ZAN: variants seen among roughly 807,000 people sequenced by gnomAD.
ZAN encodes zonadhesin (gene/pseudogene).
In ZAN, 260 loss-of-function variants were observed where a neutral mutation model predicts 286.2. The observed-to-expected ratio is 0.91, with a 90% CI of 0.82 to 1.01. ZAN has a LOEUF of 1.01. ZAN is among the 50% of genes least tolerant of loss of function. ZAN has a pLI of 0.00. For synonymous variants in ZAN, 1,368 were observed against 1,417.5 expected, an observed-to-expected ratio of 0.97 and a Z score of 0.79; for missense variants, 3,410 against 3,639.2, an observed-to-expected ratio of 0.94 and a Z score of 1.62.
rs1809747683 is a variant in ZAN at position 100,763,767 on chromosome 7, A to AG, written c.3987-38dup. The AG allele has an allele frequency of 3.3e-6, 5 of 1,529,314 alleles. No homozygotes were observed. Among genetic ancestry groups the AG allele is most frequent in the East Asian group, 2.3e-5 (1 of 43,078 alleles). The allele number at this position is 1,529,314 out of a possible 1,614,324, so 94.7% of individuals were successfully genotyped here. On this transcript the variant is annotated intron_variant, in intron 20 of 47. Transcript: ENST00000613979. The surrounding 1 kb of genome is among the most constrained non-coding windows in gnomAD (Gnocchi z 4.6). ...CTGGGTTAGGGATGAGCTGGAAGCGAGCTTTGTCTTTAGGGAGTTTGGGGT... is the reference window on the plus strand; with the variant it reads ...CTGGGTTAGGGATGAGCTGGAAGCGAGGCTTTGTCTTTAGGGAGTTTGGGGT...
At chr7:100,776,417 GA>G in intron 33 of ZAN, 22 bp from the exon 34 acceptor site, 1 of 1,596,518 alleles carries the variant, frequency 6.3e-7, no homozygotes, top group Non-Finnish European at 8.5e-7. Flanking sequence ...CCCCAGCACC[GA>G]AAAACCACTC....
In ZAN at chr7:100,775,750, G is replaced by C. The variant is rs538965454; in HGVS notation, c.6109G>C (p.Val2037Leu). ...CAAGTCCAGCAGCATCTACAGCATT[G>C]TTAACATCAAGATCGGGGTGCAAGT... is the stretch of plus-strand genomic sequence containing the variant. ...SVKSSSIYSI[V>L]NIKIGVQVKF... Residue 2037 changes from valine (V) to leucine (L), a missense_variant, in exon 33 of 48, where the codon GTT (valine) becomes CTT (leucine). Val to Leu is a conservative substitution (Grantham distance 32, BLOSUM62 1). Around this residue, in one of 7 missense-constraint regions of ZAN, gnomAD observed 1,289 missense variants for 1,314.3 expected, o/e 0.98. Transcript: ENST00000613979. 6.2e-7 allele frequency: 1 copy of C among 1,613,898 alleles called. No individual in the cohort carries two copies. Among genetic ancestry groups the C allele is most frequent in the East Asian group, 2.2e-5 (1 of 44,876 alleles).
Position 100,776,451 on chromosome 7 carries a change from G to A in ZAN, c.6204G>A (p.Met2068Ile). Residue 2068 changes from methionine to isoleucine, a missense_variant, in exon 34 of 48, where the codon ATG becomes ATA. Met to Ile is a conservative substitution (Grantham distance 10). Transcript: ENST00000613979. ...CTCTCCCCCGCCAGGTCTGCGGCATGTGTGGGAACTTCAATGATGAGGAAG... is the reference window on the plus strand; with the variant it reads ...CTCTCCCCCGCCAGGTCTGCGGCATATGTGGGAACTTCAATGATGAGGAAG... ...PTTYYGKVCG[M>I]CGNFNDEEED... 1.2e-6 allele frequency: 2 copies of A among 1,606,508 alleles called. No individual in the cohort carries two copies. The highest frequency in any genetic ancestry group is 1.7e-6 in the Non-Finnish European group (2 of 1,176,546).
chr7:100,752,222 C>T lies in ZAN; in HGVS notation c.2117C>T (p.Ser706Phe), dbSNP rs1808743856. ...PTISMEETII[S>F]TEKPTISPEK... ...ATCTCCATGGAAGAGACTATCATCT[C>T]CACAGAAAAACCCACCATCTCCCCA... is the stretch of plus-strand genomic sequence containing the variant. The change falls in exon 14 of 48, where the codon TCC becomes TTC. Residue 706 changes from serine to phenylalanine, a missense_variant. Transcript: ENST00000613979. 6.2e-7 allele frequency: 1 copy of T among 1,611,718 alleles called. No individual in the cohort carries two copies. Among genetic ancestry groups the T allele is most frequent in the Non-Finnish European group, 8.5e-7 (1 of 1,179,168 alleles).
intron 7 of ZAN, among the ~76,000 whole-genome samples, chr7:100,742,911 TATTTTTTAAGG>T (rs1807914031): frequency 2.6e-5 from 1 of 39,042 alleles, no homozygotes; most frequent in Non-Finnish European, 5.1e-5. Flanking sequence ...CGATCTGACT[TATTTTTTAAGG>T]ATTTTTTTTG....
At chr7:100,791,894 A>T in intron 40 of ZAN, 72 bp from the exon 41 acceptor site, 1 of 1,503,282 alleles carries the variant, frequency 6.7e-7, no homozygotes. Flanking sequence ...TGCCCGGCTA[A>T]TCAGTTCTTC....
intron 14 of ZAN, among the ~76,000 whole-genome samples, chr7:100,754,088 T>C (rs942323037): frequency 6.6e-6 from 1 of 152,132 alleles, no homozygotes; most frequent in Non-Finnish European, 1.5e-5. Flanking sequence ...AGCCTTTGTG[T>C]TTGGCTTCTT....
intron 18 of ZAN, 54 bp from the exon 19 acceptor site, chr7:100,760,337 G>A: frequency 1.9e-6 from 3 of 1,595,040 alleles, no homozygotes; most frequent in Non-Finnish European, 1.7e-6. Flanking sequence ...AGTCTGCTGG[G>A]GTCCTCCTTG....
chr7:100,764,903 C>T (rs1214632144), intron 22 of ZAN, among the ~76,000 whole-genome samples: 1 of 151,868 alleles, frequency 6.6e-6, no homozygotes, highest in East Asian at 1.9e-4. Context: ...TGTTTCTGTG[C>T]AGCCCAAGTC....
At chr7:100,773,921 C>G (rs1810580137) in intron 31 of ZAN, 56 bp downstream of exon 31, 1 of 1,554,536 alleles carries the variant, frequency 6.4e-7, no homozygotes, top group Non-Finnish European at 8.7e-7. Flanking sequence ...ACTCTCCCAA[C>G]TCCCCAACAG....
At position 100,738,705 on chromosome 7, in the gene ZAN, A is replaced by T. The variant is rs1184666836; in HGVS notation, c.766+92A>T. The T allele has an allele frequency of 3.1e-6, 4 of 1,293,908 alleles. 1 individual carries two copies. In the African/African-American group the frequency reaches 6.1e-5, roughly 20 times the overall value. 80.2% of individuals were successfully genotyped at this position (1,293,908 alleles called of 1,614,324 possible). A position where few individuals can be genotyped will look rare whatever the true frequency, so the allele number is the denominator to read the frequency against. ...GGGACGGTCTGTCATGAACACCTACAGCTTCAAGCCTCTTACCAGCTCAAG... is the reference window on the plus strand; with the variant it reads ...GGGACGGTCTGTCATGAACACCTACTGCTTCAAGCCTCTTACCAGCTCAAG... On this transcript the variant is annotated intron_variant, in intron 7 of 47. Coordinates refer to ENST00000613979, the MANE Select transcript of ZAN (RefSeq NM_003386.3).
intron 7 of ZAN, among the ~76,000 whole-genome samples, chr7:100,744,338 C>T (rs1808025088): frequency 6.6e-6 from 1 of 151,184 alleles, no homozygotes; most frequent in Non-Finnish European, 1.5e-5. Context: ...GTGGCTCATG[C>T]CTGTAATCCC....
At chr7:100,767,784 C>T (rs559794583) in intron 25 of ZAN, 47 bp from the exon 26 acceptor site, 19 of 1,576,498 alleles carry the variant, frequency 1.2e-5, no homozygotes, top group East Asian at 9.0e-5. Context: ...GCCTTTATCC[C>T]GAGTTCTTTC....
intron 34 of ZAN, 126 bp from the exon 35 acceptor site, chr7:100,779,320 G>A (rs775713773): frequency 2.1e-6 from 2 of 946,098 alleles, no homozygotes; most frequent in Non-Finnish European, 3.1e-6. Flanking sequence ...AGAGGTTGCA[G>A]TGAGCTGAGA....
rs147012048 is a variant in ZAN at position 100,785,911 on chromosome 7, G to A, written c.6835-86G>A. The A allele has an allele frequency of 1.5e-3, 2,168 of 1,491,626 alleles. 32 individuals are homozygous for A. In the East Asian group the frequency reaches 0.036, roughly 25 times the overall value. The allele number at this position is 1,491,626 out of a possible 1,614,324, so 92.4% of individuals were successfully genotyped here. A position where few individuals can be genotyped will look rare whatever the true frequency, so the allele number is the denominator to read the frequency against. On this transcript the variant is annotated intron_variant, in intron 36 of 47. Coordinates refer to ENST00000613979, the MANE Select transcript of ZAN (RefSeq NM_003386.3). The stretch of plus-strand genomic sequence containing the variant: ...TGACCTCAGGTGATCCACCCGTCTC[G>A]GCCTCCCAAAGTGTTGGGATTACAG...
chr7:100,777,709 G>A (rs1292290685), intron 34 of ZAN, among the ~76,000 whole-genome samples: 1 of 152,002 alleles, frequency 6.6e-6, no homozygotes, highest in African/African-American at 2.4e-5. Flanking sequence ...CCAGACTGTA[G>A]GGCACACCTG....
At chr7:100,787,030 C>G (rs1443968785) in intron 37 of ZAN, among the ~76,000 whole-genome samples, 1 of 148,932 alleles carries the variant, frequency 6.7e-6, no homozygotes, top group African/African-American at 2.5e-5. Context: ...CCACTGCACT[C>G]CAGCCTGGGA....
At chr7:100,753,303 T>A in intron 14 of ZAN, 74 bp downstream of exon 14, 2 of 1,465,628 alleles carry the variant, frequency 1.4e-6, no homozygotes, top group Non-Finnish European at 1.8e-6. Context: ...GGGAAAGGGA[T>A]GCTTCTGGTA....
chr7:100,739,550 TG>T (rs1282772770), intron 7 of ZAN, among the ~76,000 whole-genome samples: 1 of 135,458 alleles, frequency 7.4e-6, no homozygotes, highest in Non-Finnish European at 1.7e-5. Context: ...CCCAGCGCTT[TG>T]GGAAGCTGAG....
Sources: allele counts gnomAD v4.1 joint callset (sites outside exome capture counted in the v4.1 genomes callset), GRCh38; gene constraint gnomAD v4.1.1; regional missense constraint gnomAD v4.1.1; non-coding constraint Gnocchi (gnomAD v3.1); transcripts MANE v1.5; gene names NCBI Gene and HGNC (gene_info 2026-07-23, HGNC 2026-07-21).